The following MTUS2 variants were observed in gnomAD, a reference collection of about 807,000 sequenced individuals.
MTUS2 encodes the protein microtubule associated scaffold protein 2.
MTUS2 carries 40 observed loss-of-function variants against 114.1 expected under a neutral mutation model. The observed-to-expected ratio is 0.35, with a 90% CI of 0.27 to 0.46. MTUS2 has a LOEUF of 0.46. Ranked by LOEUF, MTUS2 falls within the 20% of genes least tolerant of loss-of-function variation. The probability of loss-of-function intolerance (pLI) is 1.00; values close to 1 mark genes in which losing one functional copy is unlikely to be tolerated. For synonymous variants in MTUS2, 688 were observed against 672.0 expected, an observed-to-expected ratio of 1.02 and a Z score of -0.37; for missense variants, 1,679 against 1,705.4, an observed-to-expected ratio of 0.98 and a Z score of 0.27.
chr13:29,433,501 C>G (rs1416487895), intron 8 of MTUS2, among the ~76,000 whole-genome samples: 1 of 152,130 alleles, frequency 6.6e-6, no homozygotes, highest in Admixed American at 6.5e-5. Context: ...GGCATGCTAT[C>G]AGTGCTGCTT....
At chr13:29,214,190 T>G (rs1895580299) in intron 5 of MTUS2, among the ~76,000 whole-genome samples, 1 of 152,164 alleles carries the variant, frequency 6.6e-6, no homozygotes, top group African/African-American at 2.4e-5. Context: ...GTTTTTTTTT[T>G]TTTGCTTTCC....
chr13:29,235,183 G>A (rs12868398), intron 5 of MTUS2, among the ~76,000 whole-genome samples: 9,234 of 152,068 alleles, frequency 0.061, 298 homozygotes, highest in Middle Eastern at 0.078. Flanking sequence ...CGCAACCTCC[G>A]CCTCCTGGGT....
chr13:29,035,162 G>A (rs1438604346), intron 4 of MTUS2, among the ~76,000 whole-genome samples: 1 of 152,216 alleles, frequency 6.6e-6, no homozygotes. Flanking sequence ...CACATATGAG[G>A]GGCTGCCTCC....
chr13:29,337,679 GC>G (rs1427801503), intron 7 of MTUS2, among the ~76,000 whole-genome samples: 2 of 150,120 alleles, frequency 1.3e-5, no homozygotes, highest in East Asian at 3.9e-4. Context: ...TTGGCTCATT[GC>G]AATCTCTGCC....
At chr13:29,397,693 G>A (rs1338482567) in intron 8 of MTUS2, among the ~76,000 whole-genome samples, 1 of 152,212 alleles carries the variant, frequency 6.6e-6, no homozygotes, top group Non-Finnish European at 1.5e-5. Context: ...GGTGGACCCT[G>A]CAGTGTGGGT....
chr13:29,116,188 G>C (rs949623323), intron 5 of MTUS2, among the ~76,000 whole-genome samples: 3 of 152,310 alleles, frequency 2.0e-5, no homozygotes, highest in Admixed American at 2.0e-4. Context: ...TGTCAAGCAA[G>C]TCAGAACTTT....
intron 8 of MTUS2, among the ~76,000 whole-genome samples, chr13:29,404,463 G>A (rs1188818581): frequency 6.6e-6 from 1 of 152,108 alleles, no homozygotes; most frequent in Non-Finnish European, 1.5e-5. Flanking sequence ...AGCCTCACAG[G>A]GTCAATAAGA....
chr13:29,356,178 AC>A (rs1414001378), intron 7 of MTUS2, among the ~76,000 whole-genome samples: 3 of 152,130 alleles, frequency 2.0e-5, no homozygotes, highest in Admixed American at 2.0e-4. Context: ...GGGGAACATG[AC>A]ATGCCCCTCC....
chr13:29,468,999 G>A (rs966015721), intron 9 of MTUS2, among the ~76,000 whole-genome samples: 1 of 152,206 alleles, frequency 6.6e-6, no homozygotes, highest in Non-Finnish European at 1.5e-5. Flanking sequence ...AATAGTGGAT[G>A]TAATAGATAC....
intron 10 of MTUS2, chr13:29,483,963 C>G (rs1349269466): frequency 6.6e-6 from 1 of 152,176 alleles, no homozygotes; most frequent in Admixed American, 6.5e-5. Context: ...AGCCACAGAG[C>G]CTGGCATGCA....
chr13:29,371,950 G>T, intron 8 of MTUS2, among the ~76,000 whole-genome samples: 1 of 139,866 alleles, frequency 7.1e-6, no homozygotes, highest in African/African-American at 2.6e-5. Flanking sequence ...TGCTAAGAGA[G>T]TAGATCTTAA....
intron 5 of MTUS2, among the ~76,000 whole-genome samples, chr13:29,266,302 T>G (rs533987838): frequency 1.1e-4 from 16 of 152,314 alleles, no homozygotes; most frequent in Admixed American, 5.9e-4. Flanking sequence ...ATTAAGCAAC[T>G]TGTCCAAAGT....
intron 2 of MTUS2, among the ~76,000 whole-genome samples, chr13:28,846,879 C>T (rs1033666238): frequency 6.6e-6 from 1 of 152,206 alleles, no homozygotes; most frequent in African/African-American, 2.4e-5. Flanking sequence ...TATTTGTGAA[C>T]AGACATTATT....
At chr13:29,071,409 A>ATTTTTTTTTTCTTTTTTTTTT (rs1888922568) in intron 4 of MTUS2, among the ~76,000 whole-genome samples, 1 of 46,082 alleles carries the variant, frequency 2.2e-5, no homozygotes, top group Non-Finnish European at 3.5e-5. Context: ...TGTTGCTTGA[A>ATTTTTTTTTTCTTTTTTTTTT]TTTTTTTTTT....
intron 3 of MTUS2, among the ~76,000 whole-genome samples, chr13:29,031,307 G>GTTTC (rs1555287232): frequency 1.3e-5 from 2 of 149,404 alleles, no homozygotes; most frequent in Non-Finnish European, 3.0e-5. Flanking sequence ...CTATACTTAT[G>GTTTC]TCTCTCAATA....
intron 8 of MTUS2, among the ~76,000 whole-genome samples, chr13:29,425,757 A>G (rs990470963): frequency 6.6e-6 from 1 of 152,194 alleles, no homozygotes; most frequent in African/African-American, 2.4e-5. Context: ...ATCATAGTAC[A>G]TGTGCGATTT....
chr13:29,039,312 G>C (rs145396253), intron 4 of MTUS2, among the ~76,000 whole-genome samples: 1 of 152,246 alleles, frequency 6.6e-6, no homozygotes. Flanking sequence ...AGAAGTTTCC[G>C]AAGTCTGCGG....
intron 8 of MTUS2, among the ~76,000 whole-genome samples, chr13:29,429,744 T>C (rs934853535): frequency 6.6e-6 from 1 of 152,226 alleles, no homozygotes; most frequent in Admixed American, 6.5e-5. Flanking sequence ...AATTGAATTG[T>C]TGAAATTGCC....
chr13:29,363,236 G>T lies in MTUS2; in HGVS notation c.3117+3763G>T, dbSNP rs192002909. ...CAGTCCACAGGATGGTCCTCACCCT[G>T]CAGCATGGAGTTTTATACACATTAC... On this transcript the variant is annotated intron_variant, in intron 8 of 15. Coordinates refer to ENST00000612955, the MANE Select transcript of MTUS2 (RefSeq NM_001033602.4). 7.2e-5 allele frequency among the ~76,000 whole-genome samples: 11 copies of T among 152,214 alleles called. No individual in the cohort carries two copies. In the East Asian group the frequency reaches 2.1e-3, roughly 29 times the overall value.
Sources: allele counts gnomAD v4.1 joint callset (sites outside exome capture counted in the v4.1 genomes callset), GRCh38; gene constraint gnomAD v4.1.1; transcripts MANE v1.5; gene names NCBI Gene and HGNC (gene_info 2026-07-23, HGNC 2026-07-21).